Variants in LMO1 observed in about 807,000 individuals in gnomAD.
LMO1 encodes LIM domain only 1.
In LMO1, 10 loss-of-function variants were observed where a neutral mutation model predicts 18.0. That is an observed-to-expected ratio of 0.55 (90% confidence interval 0.34 to 0.94). The LOEUF (loss-of-function observed/expected upper bound fraction) is 0.94. Among genes scored for constraint, LMO1 ranks in the 40% least tolerant of loss-of-function variants. The probability of loss-of-function intolerance (pLI) is 0.02; values close to 1 mark genes in which losing one functional copy is unlikely to be tolerated. For missense variants in LMO1, 183 were observed against 205.7 expected, an observed-to-expected ratio of 0.89 and a Z score of 0.68; for synonymous variants, 77 against 77.9, an observed-to-expected ratio of 0.99 and a Z score of 0.06.
chr11:8,246,380 A>G (rs1467500579), intron 1 of LMO1, among the ~76,000 whole-genome samples: 1 of 152,260 alleles, frequency 6.6e-6, no homozygotes, highest in African/African-American at 2.4e-5. Flanking sequence ...TGAAGTACTG[A>G]CATATGCTAC....
At chr11:8,226,080 G>T (rs1952534418) in intron 3 of LMO1, among the ~76,000 whole-genome samples, 1 of 152,228 alleles carries the variant, frequency 6.6e-6, no homozygotes. Flanking sequence ...TCCCTGAGGG[G>T]ACTTTGCCCT....
At chr11:8,251,375 G>A (rs903174940) in intron 1 of LMO1, among the ~76,000 whole-genome samples, 2 of 152,148 alleles carry the variant, frequency 1.3e-5, no homozygotes, top group African/African-American at 2.4e-5. Flanking sequence ...CTGCTCCCAC[G>A]TGAGGAACTG....
intron 1 of LMO1, among the ~76,000 whole-genome samples, chr11:8,231,201 TCCTC>T: frequency 6.6e-6 from 1 of 152,142 alleles, no homozygotes; most frequent in Admixed American, 6.5e-5. Flanking sequence ...TCTGGATCCT[TCCTC>T]ATTCTACCAG....
chr11:8,237,152 G>A (rs989995281), intron 1 of LMO1, among the ~76,000 whole-genome samples: 1 of 151,852 alleles, frequency 6.6e-6, no homozygotes, highest in Non-Finnish European at 1.5e-5. Context: ...TTCAGCTGCT[G>A]GAGGTGGGGA....
At position 8,254,656 on chromosome 11, in the gene LMO1, C is replaced by T. The variant is rs139396024; in HGVS notation, c.25+8682G>A. Among the ~76,000 whole-genome samples, 570 of 150,896 alleles carry T rather than the reference C, an allele frequency of 3.8e-3. 2 individuals are homozygous for T. Among genetic ancestry groups the T allele is most frequent in the Admixed American group, 6.5e-3 (98 of 15,092 alleles). ...TGGCCCTGGGAGGAATGGAGCTGGG[C>T]TCCCATGGCAGCCCCACTCAAACTG... On this transcript the variant is annotated intron_variant, in intron 1 of 3. Transcript: ENST00000335790.
intron 1 of LMO1, among the ~76,000 whole-genome samples, chr11:8,260,336 G>A (rs1847165157): frequency 6.6e-6 from 1 of 152,202 alleles, no homozygotes; most frequent in African/African-American, 2.4e-5. Context: ...GTTTCTCCGG[G>A]AAAGTTGGAG....
intron 1 of LMO1, among the ~76,000 whole-genome samples, chr11:8,253,081 T>C (rs1007258349): frequency 1.3e-5 from 2 of 151,958 alleles, no homozygotes; most frequent in East Asian, 3.9e-4. Context: ...TGATGTGGAG[T>C]GTTTCGAGGA....
At chr11:8,225,465 G>C (rs1263944877) in intron 3 of LMO1, among the ~76,000 whole-genome samples, 1 of 146,640 alleles carries the variant, frequency 6.8e-6, no homozygotes, top group African/African-American at 2.5e-5. Context: ...GGGATAAAAT[G>C]GTTGTTTTTT....
rs770704139 is a variant in LMO1 at position 8,239,209 on chromosome 11, G to A, written c.26-8705C>T. ...CTTCCCTGCACAGCCTGGATTCTCC[G>A]GTGCAGCCTGGATGCCAGATGGTGC... On this transcript the variant is annotated intron_variant, in intron 1 of 3. Transcript: ENST00000335790. Among the ~76,000 whole-genome samples, 6 of 152,286 alleles carry A rather than the reference G, an allele frequency of 3.9e-5. No homozygotes were observed. The South Asian group carries it at 6.2e-4, about 16-fold the overall frequency.
At chr11:8,268,257 C>G (rs1252898450), upstream of LMO1, among the ~76,000 whole-genome samples, 4 of 152,188 alleles carry the variant, frequency 2.6e-5, no homozygotes, top group East Asian at 1.9e-4. Flanking sequence ...GGCACCGGCG[C>G]ACACATCAGC....
chr11:8,236,788 G>A (rs755984798), intron 1 of LMO1, among the ~76,000 whole-genome samples: 3 of 152,162 alleles, frequency 2.0e-5, no homozygotes, highest in Non-Finnish European at 4.4e-5. Flanking sequence ...CCAGCACAGC[G>A]CTGGCATACA....
intron 1 of LMO1, among the ~76,000 whole-genome samples, chr11:8,249,158 C>T (rs907254868): frequency 6.6e-6 from 1 of 152,192 alleles, no homozygotes; most frequent in African/African-American, 2.4e-5. Context: ...CCCAAGGCCA[C>T]AGCTTCAGCA....
At chr11:8,262,379 GCCTCTCTC>G (rs1180098285) in intron 1 of LMO1, among the ~76,000 whole-genome samples, 1 of 152,212 alleles carries the variant, frequency 6.6e-6, no homozygotes, top group Non-Finnish European at 1.5e-5. Context: ...CCAAGGTACT[GCCTCTCTC>G]CTTACCCTGG....
At chr11:8,255,790 T>G (rs1409544201) in intron 1 of LMO1, among the ~76,000 whole-genome samples, 1 of 150,580 alleles carries the variant, frequency 6.6e-6, no homozygotes. Flanking sequence ...AATAACTAAT[T>G]GATACATACA....
At chr11:8,268,729 G>A (rs1847287256), upstream of LMO1, 2 of 223,992 alleles carry the variant, frequency 8.9e-6, no homozygotes, top group African/African-American at 2.3e-5. Context: ...GGCCGCAGCC[G>A]GAGCCTGAGC....
upstream of LMO1, chr11:8,263,924 G>A: frequency 1.0e-6 from 1 of 996,942 alleles, no homozygotes; most frequent in East Asian, 6.5e-5. Context: ...ATTTCCTGAG[G>A]CCTCCACCCT....
intron 1 of LMO1, among the ~76,000 whole-genome samples, chr11:8,237,091 G>A (rs570255755): frequency 7.4e-4 from 112 of 152,084 alleles, no homozygotes; most frequent in East Asian, 3.5e-3. Context: ...ATGGACCCAC[G>A]TGCAACGTCA....
At position 8,255,818 on chromosome 11, in the gene LMO1, C is replaced by CT. The variant is rs57425549; in HGVS notation, c.25+7519dup. Among the ~76,000 whole-genome samples the CT allele has an allele frequency of 2.8e-3, 246 of 86,352 alleles. 21 individuals carry two copies. Among genetic ancestry groups the CT allele is most frequent in the African/African-American group, 9.5e-3 (190 of 20,022 alleles). 56.7% of individuals were successfully genotyped at this position (86,352 alleles called of 152,430 possible). On this transcript the variant is annotated intron_variant, in intron 1 of 3. Coordinates refer to ENST00000335790, the MANE Select transcript of LMO1 (RefSeq NM_002315.3). Reference sequence around the variant, plus strand: ...TACATACAGATAGCACAATGCCGCACTTTTTTTTTTTTTTTTTTTTTTTTT... The same window carrying CT: ...TACATACAGATAGCACAATGCCGCACTTTTTTTTTTTTTTTTTTTTTTTTTT...
In LMO1 at chr11:8,224,737, G is replaced by T. The variant is rs200975560; in HGVS notation, c.366-16C>A. On this transcript the variant is annotated splice_polypyrimidine_tract_variant and intron_variant, in intron 3 of 3. Coordinates refer to ENST00000335790, the MANE Select transcript of LMO1 (RefSeq NM_002315.3). ...CACACAAAATCTAGAAAATCCAAGC[G>T]AGAGAGAGAAGCCATGGGAAGGTCC... 16 of 1,544,904 alleles carry T rather than the reference G, an allele frequency of 1.0e-5. No homozygotes were observed. Among genetic ancestry groups the T allele is most frequent in the African/African-American group, 2.7e-5 (2 of 73,420 alleles).
Sources: gnomAD v4.1 joint callset for allele counts (sites outside exome capture counted in the v4.1 genomes callset) on GRCh38, gnomAD v4.1.1 for gene constraint, MANE v1.5 for transcripts, NCBI Gene and HGNC (gene_info 2026-07-23, HGNC 2026-07-21) for gene names.